Variants in DENND5B observed in about 807,000 individuals in gnomAD.
The protein encoded by DENND5B is DENN domain-containing protein 5B.
In DENND5B, 34 loss-of-function variants were observed where a neutral mutation model predicts 140.6. The observed-to-expected ratio is 0.24, with a 90% CI of 0.18 to 0.32. The LOEUF (loss-of-function observed/expected upper bound fraction) is 0.32, where lower values mean the gene tolerates loss of function less well. Ranked by LOEUF, DENND5B falls within the 10% of genes least tolerant of loss-of-function variation. The pLI is 1.00. For synonymous variants in DENND5B, 551 were observed against 562.1 expected, an observed-to-expected ratio of 0.98 and a Z score of 0.28; for missense variants, 1,142 against 1,560.2, an observed-to-expected ratio of 0.73 and a Z score of 4.52.
chr12:31,455,278 G>T (rs1944717564), intron 4 of DENND5B, among the ~76,000 whole-genome samples: 1 of 152,098 alleles, frequency 6.6e-6, no homozygotes, highest in Non-Finnish European at 1.5e-5. Flanking sequence ...AAGGGAAAAT[G>T]ATACATTTTC....
rs1948475854 is a variant in DENND5B at position 31,535,857 on chromosome 12, GA to G, written c.128-39939del. On this transcript the variant is annotated intron_variant, in intron 1 of 20. Transcript: ENST00000389082. The stretch of plus-strand genomic sequence containing the variant: ...CAGAGATATGTGACTGATATGGTTT[GA>G]ATCTGTATCCCCACCAAATATCATG... 3.3e-5 allele frequency among the ~76,000 whole-genome samples: 5 copies of G among 152,334 alleles called. No individual in the cohort carries two copies. The East Asian group carries it at 9.6e-4, about 29-fold the overall frequency.
At chr12:31,528,890 G>A (rs534911563) in intron 1 of DENND5B, among the ~76,000 whole-genome samples, 30 of 152,162 alleles carry the variant, frequency 2.0e-4, no homozygotes, top group East Asian at 1.9e-3. Flanking sequence ...GGTCAGGCAC[G>A]GTGGCTCATG....
chr12:31,546,677 C>G (rs1360911316), intron 1 of DENND5B, among the ~76,000 whole-genome samples: 1 of 152,132 alleles, frequency 6.6e-6, no homozygotes, highest in Non-Finnish European at 1.5e-5. Context: ...CAGAGCGAGA[C>G]TCCATCTCAA....
chr12:31,427,479 G>A (rs1385569860), intron 8 of DENND5B, among the ~76,000 whole-genome samples: 4 of 151,844 alleles, frequency 2.6e-5, no homozygotes, highest in Non-Finnish European at 5.9e-5. Flanking sequence ...GGTGGTGGAC[G>A]TCTGTAATCC....
At chr12:31,482,574 CTTCT>C (rs1418264364) in intron 2 of DENND5B, among the ~76,000 whole-genome samples, 1 of 151,974 alleles carries the variant, frequency 6.6e-6, no homozygotes, top group Non-Finnish European at 1.5e-5. Flanking sequence ...ATTGCTGTTG[CTTCT>C]TTTTTTTTTT....
At chr12:31,448,198 A>T (rs1360783983) in intron 5 of DENND5B, among the ~76,000 whole-genome samples, 1 of 151,574 alleles carries the variant, frequency 6.6e-6, no homozygotes, top group East Asian at 1.9e-4. Flanking sequence ...CAGTGGCACG[A>T]TCTCGGCTCA....
chr12:31,481,514 A>ATTTC (rs1946068929), intron 2 of DENND5B, among the ~76,000 whole-genome samples: 1 of 152,228 alleles, frequency 6.6e-6, no homozygotes, highest in African/African-American at 2.4e-5. Context: ...CACACATTAG[A>ATTTC]AAAGAAGGAG....
chr12:31,415,585 A>T (rs1012036963), intron 11 of DENND5B, 137 bp from the exon 12 acceptor site: 3 of 641,892 alleles, frequency 4.7e-6, no homozygotes, highest in East Asian at 3.4e-5. Context: ...TCAAAAAACA[A>T]ATTTTAAAGA....
Position 31,415,421 on chromosome 12 carries a change from G to C in DENND5B, c.2498C>G (p.Ser833Cys). The stretch of plus-strand genomic sequence containing the variant: ...CGTTGGCAACATAACTCCTGAGTCA[G>C]ATTTTCTTCTTTCTGGTCCGAGGGC... ...PVALGPERRK[S>C]DSGVMLPTLR... Residue 833 changes from serine to cysteine, a missense_variant, in exon 12 of 21, where the codon TCT (serine) becomes TGT (cysteine). Coordinates refer to ENST00000389082, the MANE Select transcript of DENND5B (RefSeq NM_144973.4). 1 of 1,609,860 alleles carries C rather than the reference G, an allele frequency of 6.2e-7. No homozygotes were observed. Among genetic ancestry groups the C allele is most frequent in the Non-Finnish European group, 8.5e-7 (1 of 1,177,964 alleles).
At chr12:31,491,522 G>GAAAGAAAGA (rs1378118605) in intron 2 of DENND5B, among the ~76,000 whole-genome samples, 1 of 152,032 alleles carries the variant, frequency 6.6e-6, no homozygotes, top group Admixed American at 6.6e-5. Context: ...GGAAACAAGG[G>GAAAGAAAGA]AAAGAAAGAA....
At chr12:31,455,996 G>A (rs1169141756) in intron 4 of DENND5B, among the ~76,000 whole-genome samples, 1 of 151,640 alleles carries the variant, frequency 6.6e-6, no homozygotes, top group Non-Finnish European at 1.5e-5. Context: ...TCCAGCCCAG[G>A]CGACAGAGTG....
In DENND5B at chr12:31,432,050, C is replaced by A. The variant is rs1359478544; in HGVS notation, c.2106+1105G>T. ...TTCAAGCAAAGAACATACCAGGCAG[C>A]ACTCAGAGAAGGATTTTTTAGGAAG... On this transcript the variant is annotated intron_variant, in intron 8 of 20. Coordinates refer to ENST00000389082, the MANE Select transcript of DENND5B (RefSeq NM_144973.4). The A allele has an allele frequency of 3.0e-6, 3 of 984,914 alleles. No individual in the cohort carries two copies. In the African/African-American group the frequency reaches 5.2e-5, roughly 17 times the overall value. 61.0% of individuals were successfully genotyped at this position (984,914 alleles called of 1,614,324 possible).
intron 4 of DENND5B, among the ~76,000 whole-genome samples, chr12:31,455,929 G>A (rs903650973): frequency 1.3e-5 from 2 of 152,182 alleles, no homozygotes; most frequent in African/African-American, 4.8e-5. Flanking sequence ...TGAGGCAGGA[G>A]AATCACTTGA....
intron 1 of DENND5B, chr12:31,499,503 T>C (rs922258587): frequency 1.1e-6 from 1 of 907,164 alleles, no homozygotes; most frequent in Middle Eastern, 3.5e-4. Flanking sequence ...CATCTACAAG[T>C]CTGACCAAGC....
intron 2 of DENND5B, among the ~76,000 whole-genome samples, chr12:31,495,389 C>T (rs1677214): frequency 1.1e-3 from 144 of 136,060 alleles, no homozygotes; most frequent in Non-Finnish European, 1.4e-3. Context: ...CTTTTTTTTT[C>T]TTTTTTTGAG....
At chr12:31,419,930 G>A (rs920794936) in intron 11 of DENND5B, 3 of 783,262 alleles carry the variant, frequency 3.8e-6, no homozygotes, top group Non-Finnish European at 4.5e-6. Context: ...CCAAGACTGC[G>A]CCATTGCACT....
At chr12:31,528,167 C>T (rs1189269045) in intron 1 of DENND5B, among the ~76,000 whole-genome samples, 2 of 152,226 alleles carry the variant, frequency 1.3e-5, no homozygotes, top group African/African-American at 2.4e-5. Context: ...ATCAGTATTA[C>T]TGGTCTGAAA....
At chr12:31,453,930 T>G (rs1245859594) in intron 4 of DENND5B, among the ~76,000 whole-genome samples, 2 of 151,982 alleles carry the variant, frequency 1.3e-5, no homozygotes, top group Non-Finnish European at 2.9e-5. Flanking sequence ...TGACTTGAGG[T>G]CAGGAGTTCA....
intron 6 of DENND5B, among the ~76,000 whole-genome samples, chr12:31,446,945 A>G (rs1300508615): frequency 6.6e-6 from 1 of 151,732 alleles, no homozygotes; most frequent in Non-Finnish European, 1.5e-5. Context: ...GACAGAAATT[A>G]ACATTTTTTC....
Sources: allele counts gnomAD v4.1 joint callset (sites outside exome capture counted in the v4.1 genomes callset), GRCh38; gene constraint gnomAD v4.1.1; transcripts MANE v1.5; gene names NCBI Gene and HGNC (gene_info 2026-07-23, HGNC 2026-07-21).